CREBBP: variants seen among roughly 807,000 people sequenced by gnomAD.
CREBBP encodes CREB binding lysine acetyltransferase.
Under a neutral mutation model 265.0 loss-of-function variants are expected in CREBBP, and 19 were observed. The observed-to-expected ratio is 0.07, with a 90% CI of 0.05 to 0.11. The LOEUF (loss-of-function observed/expected upper bound fraction) is 0.11. Ranked by LOEUF, CREBBP falls within the 10% of genes least tolerant of loss-of-function variation. The pLI, the probability that CREBBP is intolerant of heterozygous loss-of-function variation, is 1.00. For synonymous variants in CREBBP, 1,457 were observed against 1,223.7 expected (o/e 1.19, Z -3.98); for missense variants, 2,525 against 3,219.0 (o/e 0.78, Z 5.22).
At chr16:3,744,302 A>G (rs2052288655) in intron 23 of CREBBP, among the ~76,000 whole-genome samples, 1 of 152,102 alleles carries the variant, frequency 6.6e-6, no homozygotes, top group Non-Finnish European at 1.5e-5. Context: ...GGCAGCCCAC[A>G]TAGGGCCCAG....
rs2051724117 is a variant in CREBBP at position 3,725,700 on chromosome 16, G to A, written c.*2018C>T. 4.3e-6 allele frequency: 1 copy of A among 233,328 alleles called. No individual in the cohort carries two copies. Among genetic ancestry groups the A allele is most frequent in the East Asian group, 6.0e-5 (1 of 16,600 alleles). 14.5% of individuals were successfully genotyped at this position (233,328 alleles called of 1,614,324 possible). A position where few individuals can be genotyped will look rare whatever the true frequency, so the allele number is the denominator to read the frequency against. Reference sequence around the variant, plus strand: ...GGTTCAAAGCTCTGTGCTAAAACTAGATCGGACCTTTCCAACTTCTTAGAA... The same window carrying A: ...GGTTCAAAGCTCTGTGCTAAAACTAAATCGGACCTTTCCAACTTCTTAGAA... On this transcript the variant is annotated 3_prime_UTR_variant, in exon 31 of 31. Coordinates refer to ENST00000262367, the MANE Select transcript of CREBBP (RefSeq NM_004380.3).
chr16:3,764,775 G>A (rs942224141), intron 16 of CREBBP, among the ~76,000 whole-genome samples: 3 of 151,524 alleles, frequency 2.0e-5, no homozygotes, highest in Non-Finnish European at 4.4e-5. Context: ...TAGAGACAGG[G>A]TCTTACTATG....
rs909182894 is a variant in CREBBP, at chr16:3,781,257, C to T, written c.1623G>A (p.Gln541=). 4 of 1,614,076 alleles carry T rather than the reference C, an allele frequency of 2.5e-6. No individual in the cohort carries two copies. The African/African-American group carries it at 4.0e-5, about 16-fold the overall frequency. The part of the protein sequence containing the change: ...IPAGGITTDQ[Q]PPNLISESAL... ...CTGATTCTGAAATCAAGTTTGGGGG[C>T]TGCTGATCTGTTGTTATTCCTCCTG... Residue 541 remains glutamine, a synonymous_variant, in exon 7 of 31, where the codon CAG becomes CAA. Coordinates refer to ENST00000262367, the MANE Select transcript of CREBBP (RefSeq NM_004380.3).
intron 23 of CREBBP, chr16:3,742,635 T>A (rs559199419): frequency 2.6e-5 from 4 of 152,336 alleles, no homozygotes; most frequent in African/African-American, 9.6e-5. Context: ...TTGTTTACTT[T>A]TCTCGCTTTT....
At chr16:3,767,197 TCCC>T (rs984375978) in intron 16 of CREBBP, 2 of 161,260 alleles carry the variant, frequency 1.2e-5, no homozygotes, top group African/African-American at 4.8e-5. Context: ...AACCTACCCC[TCCC>T]CCATGTCTCA....
chr16:3,737,101 T>C, intron 26 of CREBBP: 1 of 519,532 alleles, frequency 1.9e-6, no homozygotes, highest in East Asian at 3.5e-5. Context: ...CCAGGGAATA[T>C]GATGGCTCAT....
At chr16:3,851,492 T>C (rs113653086) in intron 1 of CREBBP, among the ~76,000 whole-genome samples, 5,171 of 152,168 alleles carry the variant, frequency 0.034, 99 homozygotes, top group Non-Finnish European at 0.05. Context: ...CAAACTCAGA[T>C]ATACAAATTA....
At chr16:3,865,272 T>C (rs1349157462) in intron 1 of CREBBP, among the ~76,000 whole-genome samples, 3 of 152,222 alleles carry the variant, frequency 2.0e-5, no homozygotes, top group Non-Finnish European at 4.4e-5. Context: ...TACAAGGCTA[T>C]TCATTAAAGC....
intron 21 of CREBBP, among the ~76,000 whole-genome samples, chr16:3,746,674 C>T (rs73493521): frequency 0.024 from 3,629 of 152,272 alleles, 152 homozygotes; most frequent in African/African-American, 0.084. Flanking sequence ...GGGACAGGTG[C>T]AGTGGCTCAC....
At chr16:3,835,488 A>AT (rs899256827) in intron 2 of CREBBP, among the ~76,000 whole-genome samples, 18 of 152,088 alleles carry the variant, frequency 1.2e-4, no homozygotes, top group African/African-American at 4.1e-4. Context: ...TGTACAGTGA[A>AT]TTTCGTTGCT....
At chr16:3,782,485 T>C (rs1435332630) in intron 6 of CREBBP, among the ~76,000 whole-genome samples, 199 bp downstream of exon 6, 1 of 152,256 alleles carries the variant, frequency 6.6e-6, no homozygotes, top group African/African-American at 2.4e-5. Flanking sequence ...CATTGCTTCA[T>C]TTGCAAATGC....
intron 1 of CREBBP, among the ~76,000 whole-genome samples, chr16:3,859,679 G>A (rs936242999): frequency 6.6e-6 from 1 of 152,112 alleles, no homozygotes; most frequent in Non-Finnish European, 1.5e-5. Context: ...ACGGCCAATG[G>A]TTTAATCAAT....
chr16:3,739,068 TAAAC>T (rs960775249), intron 25 of CREBBP, among the ~76,000 whole-genome samples: 6 of 152,152 alleles, frequency 3.9e-5, no homozygotes, highest in East Asian at 3.8e-4. Context: ...CAGGATGTGA[TAAAC>T]AAACAAACAA....
At chr16:3,815,235 C>T (rs945586473) in intron 2 of CREBBP, among the ~76,000 whole-genome samples, 1 of 152,048 alleles carries the variant, frequency 6.6e-6, no homozygotes, top group Non-Finnish European at 1.5e-5. Flanking sequence ...CTTTAAACGT[C>T]CCAACAGGTA....
rs558705938 is a variant in CREBBP at position 3,830,709 on chromosome 16, A to T, written c.798+19588T>A. ...TAGTAACCAATAGAACAAAAAAATC[A>T]TAAGGATTTGAACACCATCAACCAA... On this transcript the variant is annotated intron_variant, in intron 2 of 30. Coordinates refer to ENST00000262367, the MANE Select transcript of CREBBP (RefSeq NM_004380.3). 3.3e-5 allele frequency among the ~76,000 whole-genome samples: 5 copies of T among 152,336 alleles called. No homozygotes were observed. In the South Asian group the frequency reaches 1.0e-3, roughly 32 times the overall value.
In CREBBP at chr16:3,880,638, C is replaced by G. The variant is rs2055515510; in HGVS notation, c.-722G>C. On this transcript the variant is annotated 5_prime_UTR_variant, in exon 1 of 31. Transcript: ENST00000262367. ...GCGCGGGCGGTTGTGGGGCCCGGGA[C>G]CGGCGGGGCCGAGTAGATCGCGCTC... is the stretch of plus-strand genomic sequence containing the variant. The G allele has an allele frequency of 1.4e-5, 2 of 147,228 alleles. No individual in the cohort carries two copies. The highest frequency in any genetic ancestry group is 4.9e-5 in the African/African-American group (2 of 40,914). 9.1% of individuals were successfully genotyped at this position (147,228 alleles called of 1,614,324 possible).
intron 3 of CREBBP, among the ~76,000 whole-genome samples, chr16:3,799,563 T>C (rs930494429): frequency 6.6e-6 from 1 of 152,230 alleles, no homozygotes; most frequent in Non-Finnish European, 1.5e-5. Flanking sequence ...TCATGATTCA[T>C]TGTTAAGGAA....
intron 2 of CREBBP, among the ~76,000 whole-genome samples, chr16:3,811,961 A>G (rs1273852979): frequency 2.0e-5 from 3 of 152,098 alleles, no homozygotes; most frequent in Non-Finnish European, 4.4e-5. Context: ...TTATGGAGTC[A>G]AAAGGTTACA....
chr16:3,849,431 G>GTGTGTGTGTGTGATGTGCGTGACCT (rs2054753204), intron 2 of CREBBP, among the ~76,000 whole-genome samples: 1 of 14,480 alleles, frequency 6.9e-5, no homozygotes, highest in African/African-American at 1.3e-4. Context: ...GTGTGTGTGT[G>GTGTGTGTGTGTGATGTGCGTGACCT]TGTGTGTGTG....
Sources: allele counts gnomAD v4.1 joint callset (sites outside exome capture counted in the v4.1 genomes callset), GRCh38; gene constraint gnomAD v4.1.1; transcripts MANE v1.5; gene names NCBI Gene and HGNC (gene_info 2026-07-23, HGNC 2026-07-21).